CSMD1: variants seen among roughly 807,000 people sequenced by gnomAD.
CSMD1 encodes CUB and Sushi multiple domains 1.
A neutral mutation model predicts 417.5 loss-of-function variants in CSMD1; 213 were observed. That is an observed-to-expected ratio of 0.51 (90% CI 0.46 to 0.57). The LOEUF (loss-of-function observed/expected upper bound fraction) is 0.57. CSMD1 is among the 20% of genes least tolerant of loss of function. The pLI, the probability that CSMD1 is intolerant of heterozygous loss-of-function variation, is 0.00. For synonymous variants in CSMD1, 2,862 were observed against 1,736.8 expected, an observed-to-expected ratio of 1.65 and a Z score of -16.11; for missense variants, 6,923 against 4,529.7, an observed-to-expected ratio of 1.53 and a Z score of -15.17.
intron 3 of CSMD1, among the ~76,000 whole-genome samples, chr8:4,339,612 C>T (rs1169939361): frequency 6.6e-6 from 1 of 152,040 alleles, no homozygotes; most frequent in Non-Finnish European, 1.5e-5. Flanking sequence ...GGAAATCGCT[C>T]AATGATTACC....
intron 22 of CSMD1, among the ~76,000 whole-genome samples, chr8:3,344,118 G>C (rs1585028931): frequency 6.6e-6 from 1 of 152,312 alleles, no homozygotes; most frequent in East Asian, 1.9e-4. Context: ...AGATAAGGAA[G>C]ACAAGGCTTG....
At chr8:3,637,468 C>G (rs1797106909) in intron 7 of CSMD1, among the ~76,000 whole-genome samples, 2 of 152,158 alleles carry the variant, frequency 1.3e-5, no homozygotes, top group Admixed American at 6.5e-5. Flanking sequence ...ATATGACCTA[C>G]CATAGCTTCA....
At chr8:3,555,795 A>T (rs1799117471) in intron 10 of CSMD1, among the ~76,000 whole-genome samples, 1 of 152,148 alleles carries the variant, frequency 6.6e-6, no homozygotes, top group African/African-American at 2.4e-5. Context: ...ATGGTTAGGC[A>T]GACAGTTGTA....
chr8:4,835,576 TTA>T (rs1800428871), intron 1 of CSMD1, among the ~76,000 whole-genome samples: 1 of 152,174 alleles, frequency 6.6e-6, no homozygotes, highest in Admixed American at 6.6e-5. Context: ...GATTTTGGAA[TTA>T]TCCTAACACA....
At chr8:3,010,039 C>A (rs1000399528) in intron 52 of CSMD1, among the ~76,000 whole-genome samples, 1 of 152,216 alleles carries the variant, frequency 6.6e-6, no homozygotes, top group Non-Finnish European at 1.5e-5. Context: ...TATCCTGCCT[C>A]ATTGTCCTCA....
chr8:3,255,243 G>A (rs1460088732), intron 26 of CSMD1, among the ~76,000 whole-genome samples: 1 of 151,976 alleles, frequency 6.6e-6, no homozygotes, highest in Admixed American at 6.6e-5. Context: ...TTTTCTCAGG[G>A]GTGTACCCAG....
chr8:4,945,801 TA>T (rs1808328374), intron 1 of CSMD1, among the ~76,000 whole-genome samples: 1 of 152,056 alleles, frequency 6.6e-6, no homozygotes, highest in Non-Finnish European at 1.5e-5. Flanking sequence ...TGAGGTTAAG[TA>T]GGCAGCAGAA....
intron 1 of CSMD1, among the ~76,000 whole-genome samples, chr8:4,840,148 G>T (rs892890143): frequency 1.1e-3 from 7 of 6,152 alleles, no homozygotes; most frequent in South Asian, 0.024. Flanking sequence ...ACTCTTTAAG[G>T]CTGTTATGCA....
chr8:4,596,981 T>C (rs1411481073), intron 2 of CSMD1, among the ~76,000 whole-genome samples: 3 of 152,196 alleles, frequency 2.0e-5, no homozygotes, highest in Non-Finnish European at 2.9e-5. Context: ...TAGAAGTGCC[T>C]CTTTCCTCCC....
chr8:4,227,240 C>A (rs984919854), intron 3 of CSMD1, among the ~76,000 whole-genome samples: 20 of 152,140 alleles, frequency 1.3e-4, no homozygotes, highest in Middle Eastern at 3.2e-3. Flanking sequence ...GAATCATTAA[C>A]CTCATTAGCA....
chr8:4,546,767 TA>T (rs1389009675), intron 2 of CSMD1, among the ~76,000 whole-genome samples: 9 of 152,132 alleles, frequency 5.9e-5, no homozygotes, highest in African/African-American at 1.9e-4. Flanking sequence ...GCATATAAAT[TA>T]TACATGCTAC....
chr8:2,987,353 C>T (rs140778515), intron 54 of CSMD1, among the ~76,000 whole-genome samples: 1,653 of 149,520 alleles, frequency 0.011, 38 homozygotes, highest in African/African-American at 0.038. Flanking sequence ...TGTGTGTATA[C>T]ATCATATATA....
intron 50 of CSMD1, among the ~76,000 whole-genome samples, chr8:3,046,496 C>G (rs1396674490): frequency 1.3e-5 from 2 of 152,134 alleles, no homozygotes; most frequent in African/African-American, 4.8e-5. Context: ...ACAGTGCGCT[C>G]AAATCATGTC....
chr8:3,304,201 T>A (rs1804631493), intron 25 of CSMD1, among the ~76,000 whole-genome samples: 1 of 152,176 alleles, frequency 6.6e-6, no homozygotes. Flanking sequence ...ATTAAGATAT[T>A]TTAAAGAGCT....
intron 7 of CSMD1, among the ~76,000 whole-genome samples, chr8:3,699,282 C>T (rs1800719505): frequency 6.6e-6 from 1 of 152,214 alleles, no homozygotes; most frequent in Non-Finnish European, 1.5e-5. Flanking sequence ...AAAAATTTCT[C>T]ATAATTTTCC....
At chr8:3,704,218 G>T (rs1198417054) in intron 7 of CSMD1, among the ~76,000 whole-genome samples, 2 of 152,146 alleles carry the variant, frequency 1.3e-5, no homozygotes, top group African/African-American at 4.8e-5. Context: ...ACAGCTACAG[G>T]CAAAAATAGA....
chr8:3,653,122 T>C (rs910996363), intron 7 of CSMD1, among the ~76,000 whole-genome samples: 3 of 152,100 alleles, frequency 2.0e-5, no homozygotes, highest in African/African-American at 7.2e-5. Flanking sequence ...GCTTTATTAA[T>C]TGAAAGCCCT....
At chr8:3,880,216 T>C (rs1806118732) in intron 5 of CSMD1, among the ~76,000 whole-genome samples, 1 of 152,120 alleles carries the variant, frequency 6.6e-6, no homozygotes. Context: ...ATAATGCAAT[T>C]TCAGGTGCAA....
intron 5 of CSMD1, among the ~76,000 whole-genome samples, chr8:3,964,063 G>C (rs753932951): frequency 2.0e-5 from 3 of 152,164 alleles, no homozygotes; most frequent in Non-Finnish European, 4.4e-5. Flanking sequence ...CACAGCATGA[G>C]GTGCTTGCTT....
Sources: allele counts gnomAD v4.1 joint callset (sites outside exome capture counted in the v4.1 genomes callset), GRCh38; gene constraint gnomAD v4.1.1; transcripts MANE v1.5; gene names NCBI Gene and HGNC (gene_info 2026-07-23, HGNC 2026-07-21).